DNAJC6: variants seen among roughly 807,000 people sequenced by gnomAD.
DNAJC6 encodes the protein DnaJ heat shock protein family (Hsp40) member C6.
In DNAJC6, 34 loss-of-function variants were observed where a neutral mutation model predicts 110.0. The ratio of observed to expected loss-of-function variants is 0.31; its 90% confidence interval spans 0.24 to 0.41. The LOEUF (loss-of-function observed/expected upper bound fraction) is 0.41, where lower values mean the gene tolerates loss of function less well. Ranked by LOEUF, DNAJC6 falls within the 10% of genes least tolerant of loss-of-function variation. The probability of loss-of-function intolerance (pLI) is 1.00; values close to 1 mark genes in which losing one functional copy is unlikely to be tolerated. For missense variants in DNAJC6, 1,031 were observed against 1,207.8 expected (o/e 0.85, Z 2.17); for synonymous variants, 406 against 437.2 (o/e 0.93, Z 0.89).
rs750999707 is a variant in DNAJC6, at chr1:65,411,430, G to C, written c.2811+4G>C. 6.2e-7 allele frequency: 1 copy of C among 1,612,262 alleles called. No homozygotes were observed. Among genetic ancestry groups the C allele is most frequent in the Non-Finnish European group, 8.5e-7 (1 of 1,178,734 alleles). Reference sequence around the variant, plus strand: ...CCTGGTGGTGCACCCAGATAAAGTGGGTATAACCTGCCCTGTTGTGTAACT... The same window carrying C: ...CCTGGTGGTGCACCCAGATAAAGTGCGTATAACCTGCCCTGTTGTGTAACT... On this transcript the variant is annotated splice_donor_region_variant and intron_variant, in intron 18 of 18. Transcript: ENST00000371069.
At chr1:65,351,602 T>C (rs1001963560) in intron 1 of DNAJC6, among the ~76,000 whole-genome samples, 1 of 152,198 alleles carries the variant, frequency 6.6e-6, no homozygotes, top group Non-Finnish European at 1.5e-5. Context: ...GAGTGTGGTG[T>C]ATGTGTATGC....
intron 1 of DNAJC6, among the ~76,000 whole-genome samples, chr1:65,362,813 T>G (rs1199112483): frequency 6.6e-6 from 1 of 152,226 alleles, no homozygotes; most frequent in Non-Finnish European, 1.5e-5. Flanking sequence ...GCTTCCTTCC[T>G]GTATCAGCCT....
intron 1 of DNAJC6, among the ~76,000 whole-genome samples, chr1:65,352,525 AT>A (rs1223863804): frequency 6.6e-6 from 1 of 152,188 alleles, no homozygotes; most frequent in Non-Finnish European, 1.5e-5. Flanking sequence ...GAGCAAAAAT[AT>A]ATTTCAGTTT....
chr1:65,350,518 G>A (rs1645480668), intron 1 of DNAJC6, among the ~76,000 whole-genome samples: 1 of 151,996 alleles, frequency 6.6e-6, no homozygotes, highest in African/African-American at 2.4e-5. Context: ...CTTTATATCT[G>A]TAGTTTTATT....
chr1:65,328,467 T>A (rs996831280), intron 1 of DNAJC6, among the ~76,000 whole-genome samples: 1 of 152,212 alleles, frequency 6.6e-6, no homozygotes, highest in Non-Finnish European at 1.5e-5. Context: ...ACAGCCAGGA[T>A]GTTGACATTG....
chr1:65,380,387 C>T (rs1645805978), intron 5 of DNAJC6, among the ~76,000 whole-genome samples: 3 of 152,170 alleles, frequency 2.0e-5, no homozygotes, highest in African/African-American at 4.8e-5. Flanking sequence ...CTTGATGATT[C>T]CCAACCCCCT....
chr1:65,308,830 T>G (rs1436464876), upstream of DNAJC6, among the ~76,000 whole-genome samples: 2 of 152,172 alleles, frequency 1.3e-5, no homozygotes, highest in Non-Finnish European at 2.9e-5. Flanking sequence ...CTCCCCAGTT[T>G]ATTCGCTCAA....
chr1:65,409,028 C>T (rs1347948928), intron 17 of DNAJC6, among the ~76,000 whole-genome samples: 2 of 152,086 alleles, frequency 1.3e-5, no homozygotes, highest in Non-Finnish European at 2.9e-5. Flanking sequence ...GGCCATCTTC[C>T]TGGTTCATGG....
chr1:65,392,786 T>C lies in DNAJC6; in HGVS notation c.1824T>C (p.Ser608=). 6.2e-7 allele frequency: 1 copy of C among 1,606,850 alleles called. No homozygotes were observed. The highest frequency in any genetic ancestry group is 1.1e-5 in the South Asian group (1 of 89,424). ...GAGTGGAAGATGTGTTTCATCCTAG[T>C]GGACCTGCGTCTACCCAGTCAACAC... ...QSGVEDVFHP[S]GPASTQSTPR... Residue 608 remains serine, a synonymous_variant, in exon 12 of 19, where the codon AGT becomes AGC. Transcript: ENST00000371069.
chr1:65,304,754 A>G (rs748813742), upstream of DNAJC6, among the ~76,000 whole-genome samples: 2 of 152,200 alleles, frequency 1.3e-5, no homozygotes, highest in Non-Finnish European at 2.9e-5. Context: ...ACTACACTGC[A>G]GGTCTCAAAC....
chr1:65,317,745 A>C (rs1439689096), intron 1 of DNAJC6, among the ~76,000 whole-genome samples: 2 of 152,216 alleles, frequency 1.3e-5, no homozygotes, highest in Admixed American at 6.5e-5. Context: ...CTGTGAAAAA[A>C]GTGCAATTAG....
chr1:65,374,012 T>G (rs1243414680), intron 4 of DNAJC6, among the ~76,000 whole-genome samples: 1 of 152,226 alleles, frequency 6.6e-6, no homozygotes, highest in Non-Finnish European at 1.5e-5. Context: ...TTACCCACTT[T>G]TCCCAGCACC....
intron 1 of DNAJC6, among the ~76,000 whole-genome samples, chr1:65,302,100 A>ATATATT (rs1187942519): frequency 3.1e-5 from 1 of 31,804 alleles, no homozygotes; most frequent in African/African-American, 2.5e-4. Flanking sequence ...TTATATATAT[A>ATATATT]ATATATAATA....
intron 14 of DNAJC6, among the ~76,000 whole-genome samples, chr1:65,399,803 C>G (rs1409808017): frequency 6.6e-6 from 1 of 152,196 alleles, no homozygotes; most frequent in Non-Finnish European, 1.5e-5. Flanking sequence ...ACTTTTGTGG[C>G]TGGCTTATTT....
intron 18 of DNAJC6, 57 bp from the exon 19 acceptor site, chr1:65,412,867 A>T: frequency 7.1e-7 from 1 of 1,401,638 alleles, no homozygotes; most frequent in Non-Finnish European, 9.9e-7. Context: ...TGAAAAATTT[A>T]ATATTAATGA....
chr1:65,273,553 A>C (rs1288969511), intron 1 of DNAJC6, among the ~76,000 whole-genome samples: 1 of 152,052 alleles, frequency 6.6e-6, no homozygotes, highest in African/African-American at 2.4e-5. Flanking sequence ...CCGAGATCAC[A>C]CCACTGCACT....
chr1:65,405,116 A>G (rs1473401193), intron 15 of DNAJC6, among the ~76,000 whole-genome samples: 1 of 152,168 alleles, frequency 6.6e-6, no homozygotes, highest in African/African-American at 2.4e-5. Context: ...CATATTTTGG[A>G]CATAGCCCAG....
intron 15 of DNAJC6, among the ~76,000 whole-genome samples, chr1:65,403,971 G>C (rs1366909249): frequency 2.0e-5 from 3 of 152,128 alleles, no homozygotes; most frequent in African/African-American, 7.2e-5. Flanking sequence ...GGTTTTCTTA[G>C]TTCTTTAGGC....
chr1:65,338,846 A>G (rs563742910), intron 1 of DNAJC6, among the ~76,000 whole-genome samples: 121 of 152,292 alleles, frequency 7.9e-4, no homozygotes, highest in Admixed American at 1.6e-3. Flanking sequence ...CCCAGGTATG[A>G]CATGATTGAC....
Sources: allele counts gnomAD v4.1 joint callset (sites outside exome capture counted in the v4.1 genomes callset), GRCh38; gene constraint gnomAD v4.1.1; transcripts MANE v1.5; gene names NCBI Gene and HGNC (gene_info 2026-07-23, HGNC 2026-07-21).